The following SNRK variants were observed in gnomAD, a reference collection of about 807,000 sequenced individuals.
SNRK encodes the protein SNF-related serine/threonine-protein kinase.
SNRK carries 3 observed loss-of-function variants against 48.2 expected under a neutral mutation model. That is an observed-to-expected ratio of 0.06 (90% CI 0.03 to 0.16). SNRK has a LOEUF of 0.16. SNRK is among the 10% of genes least tolerant of loss of function. The pLI is 1.00. For synonymous variants in SNRK, 376 were observed against 366.1 expected (o/e 1.03, Z -0.31); for missense variants, 627 against 976.0 (o/e 0.64, Z 4.76).
rs2090961413 is a variant in SNRK, at chr3:43,309,371, TCTA to T, written c.589+5582_589+5584del. On this transcript the variant is annotated intron_variant, in intron 3 of 6. Transcript: ENST00000296088. ...TCAGTTTTGAAAGAGGTTCTACAGT[TCTA>T]CTGTAGGTAAAATATGTCAAACAGT... Among the ~76,000 whole-genome samples, 7 of 152,288 alleles carry T rather than the reference TCTA, an allele frequency of 4.6e-5. No individual in the cohort carries two copies. The South Asian group carries it at 1.4e-3, about 32-fold the overall frequency.
intron 1 of SNRK, among the ~76,000 whole-genome samples, chr3:43,291,037 G>A (rs1169934948): frequency 3.3e-5 from 5 of 152,154 alleles, no homozygotes; most frequent in Non-Finnish European, 5.9e-5. Context: ...ATGGAGTTGG[G>A]GAGGGCAAGG....
At chr3:43,337,046 C>T (rs563565420) in intron 4 of SNRK, among the ~76,000 whole-genome samples, 1 of 152,146 alleles carries the variant, frequency 6.6e-6, no homozygotes, top group Non-Finnish European at 1.5e-5. Context: ...GCCACCGCGC[C>T]TGGCCAAATA....
At chr3:43,321,358 C>T (rs1446642098) in intron 3 of SNRK, among the ~76,000 whole-genome samples, 3 of 151,992 alleles carry the variant, frequency 2.0e-5, no homozygotes, top group Non-Finnish European at 4.4e-5. Flanking sequence ...CTTAGCTATC[C>T]ATGAATCTTA....
At chr3:43,317,704 A>G (rs2091023893) in intron 3 of SNRK, among the ~76,000 whole-genome samples, 1 of 152,098 alleles carries the variant, frequency 6.6e-6, no homozygotes, top group African/African-American at 2.4e-5. Flanking sequence ...CCTCAGGGCC[A>G]TCCATCTCCC....
At chr3:43,293,482 A>G (rs564908709) in intron 1 of SNRK, among the ~76,000 whole-genome samples, 194 of 152,330 alleles carry the variant, frequency 1.3e-3, no homozygotes, top group African/African-American at 4.5e-3. Flanking sequence ...CTGGAGTATG[A>G]AAGCAGCACA....
chr3:43,340,652 G>T, intron 5 of SNRK, 153 bp downstream of exon 5: 1 of 691,426 alleles, frequency 1.4e-6, no homozygotes, highest in Admixed American at 2.9e-5. Flanking sequence ...TCTTGGCCCA[G>T]GGCCTGACAC....
intron 6 of SNRK, among the ~76,000 whole-genome samples, chr3:43,345,450 T>C (rs1324134656): frequency 6.6e-6 from 1 of 152,142 alleles, no homozygotes; most frequent in Non-Finnish European, 1.5e-5. Flanking sequence ...AACAGATACA[T>C]GCTCTGTGGC....
At chr3:43,325,517 A>G (rs1177947916) in intron 3 of SNRK, among the ~76,000 whole-genome samples, 3 of 152,162 alleles carry the variant, frequency 2.0e-5, no homozygotes, top group Non-Finnish European at 4.4e-5. Flanking sequence ...ATACTCCACT[A>G]GCTGTCAAAC....
chr3:43,287,348 C>T (rs2090774056), intron 1 of SNRK, among the ~76,000 whole-genome samples: 1 of 152,126 alleles, frequency 6.6e-6, no homozygotes, highest in South Asian at 2.1e-4. Context: ...CAGGGACCTT[C>T]CTGCCTTTTA....
chr3:43,300,381 C>G (rs959122318), intron 2 of SNRK, among the ~76,000 whole-genome samples: 32 of 152,050 alleles, frequency 2.1e-4, no homozygotes, highest in African/African-American at 7.7e-4. Flanking sequence ...AAATCAGATT[C>G]ATTTATAAAA....
At chr3:43,325,016 A>C (rs1405216460) in intron 3 of SNRK, among the ~76,000 whole-genome samples, 1 of 152,206 alleles carries the variant, frequency 6.6e-6, no homozygotes, top group East Asian at 1.9e-4. Flanking sequence ...GCTTTGTTTC[A>C]TTAAACTTTC....
intron 3 of SNRK, among the ~76,000 whole-genome samples, chr3:43,313,763 A>G (rs568423692): frequency 9.2e-5 from 14 of 152,336 alleles, no homozygotes; most frequent in Admixed American, 3.3e-4. Context: ...TTTAAGCACA[A>G]TGTTACTATT....
chr3:43,334,187 G>A (rs1332586163), intron 4 of SNRK, among the ~76,000 whole-genome samples: 6 of 151,742 alleles, frequency 4.0e-5, no homozygotes, highest in Admixed American at 2.6e-4. Flanking sequence ...ATGGTGGCTC[G>A]TTCCTGTAAT....
intron 1 of SNRK, among the ~76,000 whole-genome samples, chr3:43,290,950 A>G (rs1460399670): frequency 2.0e-5 from 3 of 152,178 alleles, no homozygotes; most frequent in Non-Finnish European, 4.4e-5. Flanking sequence ...AAATAATTAT[A>G]TGACCTCACA....
At chr3:43,308,707 G>A (rs937242675) in intron 3 of SNRK, among the ~76,000 whole-genome samples, 1 of 152,194 alleles carries the variant, frequency 6.6e-6, no homozygotes, top group African/African-American at 2.4e-5. Context: ...CTCTGATGGA[G>A]ATGTACAAGG....
intron 4 of SNRK, among the ~76,000 whole-genome samples, chr3:43,334,851 C>G (rs894783616): frequency 5.9e-5 from 9 of 152,164 alleles, no homozygotes; most frequent in Non-Finnish European, 1.3e-4. Flanking sequence ...CTCGGCCTCC[C>G]AAAGTGCTGG....
At chr3:43,312,112 C>CG (rs2090982940) in intron 3 of SNRK, among the ~76,000 whole-genome samples, 1 of 152,106 alleles carries the variant, frequency 6.6e-6, no homozygotes, top group South Asian at 2.1e-4. Flanking sequence ...GATTTAAAAA[C>CG]CCTTATTTTA....
At chr3:43,314,764 G>C (rs533435360) in intron 3 of SNRK, among the ~76,000 whole-genome samples, 217 of 152,256 alleles carry the variant, frequency 1.4e-3, no homozygotes, top group African/African-American at 3.6e-3. Flanking sequence ...CATAAATGAA[G>C]TCAGGCCTCG....
At chr3:43,342,293 C>T (rs541574349) in intron 5 of SNRK, among the ~76,000 whole-genome samples, 1 of 152,194 alleles carries the variant, frequency 6.6e-6, no homozygotes, top group South Asian at 2.1e-4. Flanking sequence ...TCCGTGCTTG[C>T]TGCTCACATC....
Sources: gnomAD v4.1 joint callset for allele counts (sites outside exome capture counted in the v4.1 genomes callset) on GRCh38, gnomAD v4.1.1 for gene constraint, MANE v1.5 for transcripts, NCBI Gene and HGNC (gene_info 2026-07-23, HGNC 2026-07-21) for gene names.